Variants in ZNF10 observed in about 807,000 individuals in gnomAD.
ZNF10 encodes zinc finger protein 10.
ZNF10 carries 8 observed loss-of-function variants against 12.2 expected under a neutral mutation model. The ratio of observed to expected loss-of-function variants is 0.66; its 90% CI spans 0.39 to 1.18. The LOEUF is 1.18. ZNF10 is among the 50% of genes most tolerant of loss of function. The pLI is 0.01. For synonymous variants in ZNF10, 229 were observed against 228.2 expected (o/e 1.00, Z -0.03); for missense variants, 603 against 678.9 (o/e 0.89, Z 1.24).
At chr12:133,148,750 G>GTTTTT (rs201972025) in intron 2 of ZNF10, among the ~76,000 whole-genome samples, 7 of 137,406 alleles carry the variant, frequency 5.1e-5, no homozygotes, top group Admixed American at 7.2e-5. Flanking sequence ...ATTCAATGTT[G>GTTTTT]GTTTTTTTTT....
chr12:133,156,143 A>G lies in ZNF10; in HGVS notation c.897A>G (p.Gly299=). 2 of 1,613,600 alleles carry G rather than the reference A, an allele frequency of 1.2e-6. No individual in the cohort carries two copies. Among genetic ancestry groups the G allele is most frequent in the Non-Finnish European group, 1.7e-6 (2 of 1,180,016 alleles). The part of the protein sequence containing the change: ...GEKPYECKEC[G]KSFSRSSHLI... ...AACCCTATGAGTGTAAAGAATGTGG[A>G]AAGTCTTTCAGCCGGAGTTCTCACC... The change falls in exon 5 of 5, where the codon GGA becomes GGG. Residue 299 remains glycine, a synonymous_variant. Coordinates refer to ENST00000248211, the MANE Select transcript of ZNF10 (RefSeq NM_015394.5).
At chr12:133,152,858 A>AT (rs1170479956) in intron 4 of ZNF10, among the ~76,000 whole-genome samples, 3 of 152,184 alleles carry the variant, frequency 2.0e-5, no homozygotes, top group Non-Finnish European at 4.4e-5. Context: ...GAAGGCTTTT[A>AT]TGATTCCTCA....
intron 1 of ZNF10, among the ~76,000 whole-genome samples, chr12:133,140,542 ATC>A (rs1177458651): frequency 1.3e-5 from 2 of 150,500 alleles, no homozygotes; most frequent in Non-Finnish European, 2.9e-5. Flanking sequence ...ATACTATTTT[ATC>A]TCTCTTGGTC....
chr12:133,135,232 T>A (rs1955904216), intron 1 of ZNF10, among the ~76,000 whole-genome samples: 1 of 152,162 alleles, frequency 6.6e-6, no homozygotes, highest in African/African-American at 2.4e-5. Flanking sequence ...CTGGGAAGAT[T>A]ATTGGATCTC....
intron 4 of ZNF10, among the ~76,000 whole-genome samples, chr12:133,155,026 C>G (rs1956030627): frequency 6.7e-6 from 1 of 150,238 alleles, no homozygotes. Flanking sequence ...TGCATTGAGC[C>G]AAGATTGTGT....
chr12:133,156,105 C>G lies in ZNF10; in HGVS notation c.859C>G (p.His287Asp). Residue 287 changes from histidine to aspartate, a missense_variant, in exon 5 of 5, where the codon CAT becomes GAT. By Grantham distance (81) the His-to-Asp change is moderately conservative (BLOSUM62 -1). This residue lies in a region of ZNF10 where 393 missense variants were observed against 399.7 expected (regional missense o/e 0.98). Transcript: ENST00000248211. ...RSNLTRHQLI[H>D]TGEKPYECKE... Reference sequence around the variant, plus strand: ...TAATCTTACTAGGCATCAGCTTATTCATACTGGAGAAAAACCCTATGAGTG... The same window carrying G: ...TAATCTTACTAGGCATCAGCTTATTGATACTGGAGAAAAACCCTATGAGTG... The G allele has an allele frequency of 6.2e-7, 1 of 1,613,430 alleles. No homozygotes were observed. The highest frequency in any genetic ancestry group is 8.5e-7 in the Non-Finnish European group (1 of 1,180,006).
At position 133,156,003 on chromosome 12, in the gene ZNF10, C is replaced by A; in HGVS notation, c.757C>A (p.Leu253Ile). ...CAACTCTCTTACTCATGGTTCATCT[C>A]TTGGTATATCAAAGGGCATACATAG... is the stretch of plus-strand genomic sequence containing the variant. ...NDNSLTHGSSLGISKGIHREK... is the reference protein window; with the variant it reads ...NDNSLTHGSSIGISKGIHREK... The change falls in exon 5 of 5, where the codon CTT (leucine) becomes ATT (isoleucine). Residue 253 changes from leucine (L) to isoleucine (I), a missense_variant. Physicochemically the swap from Leu to Ile is conservative, Grantham distance 5 (BLOSUM62 2). Coordinates refer to ENST00000248211, the MANE Select transcript of ZNF10 (RefSeq NM_015394.5). 1 of 1,613,914 alleles carries A rather than the reference C, an allele frequency of 6.2e-7. No homozygotes were observed. Among genetic ancestry groups the A allele is most frequent in the Non-Finnish European group, 8.5e-7 (1 of 1,180,022 alleles).
At chr12:133,141,471 G>A (rs534778514) in intron 1 of ZNF10, among the ~76,000 whole-genome samples, 3 of 152,116 alleles carry the variant, frequency 2.0e-5, no homozygotes, top group South Asian at 2.1e-4. Flanking sequence ...ACTGTATTTC[G>A]TATTGCTAAG....
chr12:133,147,195 A>T (rs1484832281), intron 2 of ZNF10, among the ~76,000 whole-genome samples: 2 of 152,212 alleles, frequency 1.3e-5, no homozygotes, highest in Non-Finnish European at 2.9e-5. Context: ...GCCAATTATA[A>T]ATAAAGCCCT....
At chr12:133,153,914 C>T (rs7970687) in intron 4 of ZNF10, among the ~76,000 whole-genome samples, 77,814 of 151,818 alleles carry the variant, frequency 0.51, 20,502 homozygotes, top group Non-Finnish European at 0.56. Flanking sequence ...ATATATCATT[C>T]CAGTCTTGGT....
chr12:133,146,746 T>C (rs1190411997), intron 2 of ZNF10, among the ~76,000 whole-genome samples: 1 of 151,934 alleles, frequency 6.6e-6, no homozygotes, highest in Non-Finnish European at 1.5e-5. Context: ...CCTGGGAGGC[T>C]GAGGCAGGAG....
At chr12:133,150,695 T>A (rs1956002049) in intron 2 of ZNF10, among the ~76,000 whole-genome samples, 1 of 152,222 alleles carries the variant, frequency 6.6e-6, no homozygotes, top group Non-Finnish European at 1.5e-5. Context: ...AGGTTCTTTA[T>A]TTACGTAGTA....
At chr12:133,137,170 C>A (rs1955917066) in intron 1 of ZNF10, among the ~76,000 whole-genome samples, 1 of 152,170 alleles carries the variant, frequency 6.6e-6, no homozygotes, top group Admixed American at 6.5e-5. Flanking sequence ...CATCATGGCC[C>A]TAATTTGTGT....
chr12:133,155,219 A>G (rs1304819489), intron 4 of ZNF10, among the ~76,000 whole-genome samples: 1 of 152,160 alleles, frequency 6.6e-6, no homozygotes, highest in Non-Finnish European at 1.5e-5. Flanking sequence ...AGTCCTTTTT[A>G]TGGAATTTCC....
chr12:133,148,000 T>C (rs960095452), intron 2 of ZNF10, among the ~76,000 whole-genome samples: 3 of 152,164 alleles, frequency 2.0e-5, no homozygotes, highest in Admixed American at 1.3e-4. Context: ...TGTCAGATAA[T>C]GTGATTTGCA....
In ZNF10 at chr12:133,155,756, G is replaced by A. The variant is rs1287020972; in HGVS notation, c.510G>A (p.Gly170=). The change falls in exon 5 of 5, where the codon GGG becomes GGA. Residue 170 remains glycine, a synonymous_variant. Coordinates refer to ENST00000248211, the MANE Select transcript of ZNF10 (RefSeq NM_015394.5). ...QERVSESGKY[G]GNCLLPAQLV... ...GAGTCTCTGAAAGTGGTAAATATGG[G>A]GGAAACTGTCTTCTTCCTGCTCAGC... 4 of 1,612,996 alleles carry A rather than the reference G, an allele frequency of 2.5e-6. No individual in the cohort carries two copies. In the South Asian group the frequency reaches 4.4e-5, roughly 18 times the overall value.
At chr12:133,155,032 T>G (rs1339610593) in intron 4 of ZNF10, among the ~76,000 whole-genome samples, 1 of 151,316 alleles carries the variant, frequency 6.6e-6, no homozygotes, top group Non-Finnish European at 1.5e-5. Flanking sequence ...GAGCCAAGAT[T>G]GTGTCATTGC....
chr12:133,144,559 G>C (rs767591197), intron 2 of ZNF10, 34 bp downstream of exon 2: 2 of 1,607,734 alleles, frequency 1.2e-6, no homozygotes, highest in Non-Finnish European at 1.7e-6. Flanking sequence ...TTCCAACTGG[G>C]AATTCCTTTT....
intron 1 of ZNF10, among the ~76,000 whole-genome samples, chr12:133,140,202 CAAAAAA>C (rs67577219): frequency 2.3e-4 from 8 of 35,212 alleles, no homozygotes; most frequent in Admixed American, 5.3e-4. Context: ...GACCCTGTCT[CAAAAAA>C]AAAAAAAAAA....
Sources: allele counts gnomAD v4.1 joint callset (sites outside exome capture counted in the v4.1 genomes callset), GRCh38; gene constraint gnomAD v4.1.1; regional missense constraint gnomAD v4.1.1; transcripts MANE v1.5; gene names NCBI Gene and HGNC (gene_info 2026-07-23, HGNC 2026-07-21).